The following PAX6 variants were observed in gnomAD, a reference collection of about 807,000 sequenced individuals.
PAX6 encodes the protein paired box protein Pax-6.
PAX6 carries 7 observed loss-of-function variants against 60.7 expected under a neutral mutation model. That is an observed-to-expected ratio of 0.12 (90% confidence interval 0.07 to 0.22). The LOEUF (loss-of-function observed/expected upper bound fraction) is 0.22. PAX6 is among the 10% of genes least tolerant of loss of function. The pLI is 1.00. For synonymous variants in PAX6, 208 were observed against 201.2 expected (o/e 1.03, Z -0.29); for missense variants, 355 against 555.2 (o/e 0.64, Z 3.62).
intron 9 of PAX6, chr11:31,794,419 ACCACACAC>A (rs1950836624): frequency 9.8e-6 from 4 of 408,970 alleles, no homozygotes; most frequent in East Asian, 8.3e-5. Flanking sequence ...ACACACACAC[ACCACACAC>A]ACACACACAC....
chr11:31,811,904 GGAGGTTGCCGGGCC>G (rs1209606165), upstream of PAX6: 71 of 152,430 alleles, frequency 4.7e-4, no homozygotes, highest in African/African-American at 1.7e-3. Context: ...TAGGCCGAGA[GGAGGTTGCCGGGCC>G]GAGAACTAAA....
At chr11:31,802,870 A>C in intron 4 of PAX6, 36 bp from the exon 5 acceptor site, 1 of 1,603,002 alleles carries the variant, frequency 6.2e-7, no homozygotes, top group Non-Finnish European at 8.5e-7. Flanking sequence ...GGGGAAAAGA[A>C]GAGAAGAGAG....
chr11:31,797,369 C>T (rs2134811714), intron 8 of PAX6, among the ~76,000 whole-genome samples: 1 of 151,800 alleles, frequency 6.6e-6, no homozygotes, highest in Non-Finnish European at 1.5e-5. Context: ...ACATTCTTAT[C>T]CATGTTCTGT....
intron 9 of PAX6, 109 bp downstream of exon 9, chr11:31,794,521 A>ATCT: frequency 9.1e-7 from 1 of 1,100,174 alleles, no homozygotes; most frequent in Non-Finnish European, 1.4e-6. Context: ...AAAAAAGGAA[A>ATCT]TCTTTTCATT....
In PAX6 at chr11:31,789,932, T is replaced by A; in HGVS notation, c.*2A>T. 1 of 1,560,404 alleles carries A rather than the reference T, an allele frequency of 6.4e-7. No individual in the cohort carries two copies. ...CTTTCCTTTTTTTTTTTTTTTTTTT[T>A]TTTACTGTAATCTTGGCCAGTATTG... On this transcript the variant is annotated 3_prime_UTR_variant, in exon 14 of 14. Transcript: ENST00000640368.
chr11:31,793,037 T>C (rs2134550863), intron 12 of PAX6: 1 of 568,632 alleles, frequency 1.8e-6, no homozygotes, highest in East Asian at 2.9e-5. Flanking sequence ...AGATTCTATA[T>C]TTAGCATACA....
intron 1 of PAX6, chr11:31,816,647 GTGCGGCCGGAC>G (rs1268444014): frequency 1.4e-6 from 1 of 702,056 alleles, no homozygotes. Context: ...CAGGTAAGGC[GTGCGGCCGGAC>G]TGCCACTGCG....
rs1289289114 is a variant in PAX6, at chr11:31,790,816, G to A, written c.1119C>T (p.Pro373=). The A allele has an allele frequency of 6.2e-7, 1 of 1,614,136 alleles. No individual in the cohort carries two copies. The highest frequency in any genetic ancestry group is 8.5e-7 in the Non-Finnish European group (1 of 1,180,018). Residue 373 remains proline, a synonymous_variant, in exon 13 of 14, where the codon CCC becomes CCT. Transcript: ENST00000640368. ...SQTSSYSCML[P]TSPSVNGRSY... ...TCCGCCCATTCACCGAAGGGCTGGT[G>A]GGCAGCATGCAGGAGTATGAGGAGG...
chr11:31,790,767 G>GT lies in PAX6; in HGVS notation c.1167dup (p.His390ThrfsTer36). On this transcript the variant is annotated frameshift_variant, in exon 13 of 14. Coordinates refer to ENST00000640368, the MANE Select transcript of PAX6 (RefSeq NM_001368894.2). LOFTEE classifies it high-confidence loss of function. ...TGACTGTTCATGTGTGTCTGCATAT[G>GT]TGGGGGGGTGTAGGTATCATAACTC... 6.2e-7 allele frequency: 1 copy of GT among 1,614,164 alleles called. No homozygotes were observed. The highest frequency in any genetic ancestry group is 8.5e-7 in the Non-Finnish European group (1 of 1,180,038).
chr11:31,793,453 A>T lies in PAX6; in HGVS notation c.1059T>A (p.Asn353Lys), dbSNP rs753629975. The T allele has an allele frequency of 6.2e-7, 1 of 1,614,194 alleles. No individual in the cohort carries two copies. Among genetic ancestry groups the T allele is most frequent in the Admixed American group, 1.7e-5 (1 of 60,034 alleles). The change falls in exon 12 of 14, where the codon AAT (asparagine) becomes AAA (lysine). Residue 353 changes from asparagine to lysine, a missense_variant. Asn to Lys is a moderately conservative substitution (Grantham distance 94). This residue lies in a region of PAX6 where 149 missense variants were observed against 191.9 expected (regional missense o/e 0.78). Coordinates refer to ENST00000640368, the MANE Select transcript of PAX6 (RefSeq NM_001368894.2). ...LPPMPSFTMANNLPMQPPVPS... is the reference protein window; with the variant it reads ...LPPMPSFTMAKNLPMQPPVPS... ...CCGCACTTACTTGCATAGGCAGGTT[A>T]TTTGCCATGGTGAAGCTGGGCATAG...
At chr11:31,806,032 TAGG>T (rs1368940786) in intron 4 of PAX6, 7 of 288,128 alleles carry the variant, frequency 2.4e-5, no homozygotes, top group Non-Finnish European at 3.8e-5. Flanking sequence ...CTCGCTCAAC[TAGG>T]AGAAGACTTC....
At chr11:31,799,688 C>T (rs1224025135) in intron 8 of PAX6, among the ~76,000 whole-genome samples, 1 of 152,114 alleles carries the variant, frequency 6.6e-6, no homozygotes, top group Non-Finnish European at 1.5e-5. Context: ...ATGGAGGCGC[C>T]GGGCATCCGG....
At chr11:31,806,059 C>A (rs1811257174) in intron 4 of PAX6, 1 of 361,700 alleles carries the variant, frequency 2.8e-6, no homozygotes, top group Non-Finnish European at 4.9e-6. Context: ...CCGCCCTGAT[C>A]AGCCCAGCCC....
At chr11:31,792,878 C>A (rs1438200108) in intron 12 of PAX6, 1 of 222,806 alleles carries the variant, frequency 4.5e-6, no homozygotes, top group Non-Finnish European at 9.0e-6. Context: ...CCTGCTATGC[C>A]TTTTCTTATT....
At chr11:31,793,234 A>G (rs1488608888) in intron 12 of PAX6, 1 of 695,450 alleles carries the variant, frequency 1.4e-6, no homozygotes, top group Non-Finnish European at 2.6e-6. Context: ...GATTTTTATT[A>G]CTCATTTTTT....
chr11:31,792,016 C>G (rs2134501950), intron 12 of PAX6: 1 of 152,352 alleles, frequency 6.6e-6, no homozygotes, highest in East Asian at 1.9e-4. Context: ...ATAATTGCAG[C>G]ATCTACTTGT....
intron 4 of PAX6, 108 bp from the exon 5 acceptor site, chr11:31,802,942 A>G (rs1954603012): frequency 9.2e-7 from 1 of 1,091,312 alleles, no homozygotes; most frequent in African/African-American, 1.5e-5. Context: ...ACAAGAACAG[A>G]AAGGAGAGGA....
chr11:31,797,507 GA>G lies in PAX6; in HGVS notation c.566-2720del, dbSNP rs36004875. On this transcript the variant is annotated intron_variant, in intron 8 of 13. Coordinates refer to ENST00000640368, the MANE Select transcript of PAX6 (RefSeq NM_001368894.2). ...ACAGTAGAGCTCAATTTTAAATCTG[GA>G]AAAAAAAAAAAAAAAAAAAAAGATG... Among the ~76,000 whole-genome samples the G allele has an allele frequency of 6.7e-3, 678 of 101,380 alleles. 3 individuals carry two copies. The highest frequency in any genetic ancestry group is 0.017 in the African/African-American group (457 of 26,396). The allele number at this position is 101,380 out of a possible 152,430, so 66.5% of individuals were successfully genotyped here.
chr11:31,799,754 G>T (rs1206558951), intron 8 of PAX6, among the ~76,000 whole-genome samples: 1 of 152,148 alleles, frequency 6.6e-6, no homozygotes, highest in East Asian at 1.9e-4. Context: ...CCCGCGCGCC[G>T]CCCCTGGCCC....
Sources: allele counts gnomAD v4.1 joint callset (sites outside exome capture counted in the v4.1 genomes callset), GRCh38; gene constraint gnomAD v4.1.1; regional missense constraint gnomAD v4.1.1; transcripts MANE v1.5; gene names NCBI Gene and HGNC (gene_info 2026-07-23, HGNC 2026-07-21).